Variants in CSMD1 observed in about 807,000 individuals in gnomAD.
The protein encoded by CSMD1 is CUB and Sushi multiple domains 1.
A neutral mutation model predicts 417.5 loss-of-function variants in CSMD1; 213 were observed. The ratio of observed to expected loss-of-function variants is 0.51; its 90% CI spans 0.46 to 0.57. CSMD1 has a LOEUF of 0.57. Among genes scored for constraint, CSMD1 ranks in the 20% least tolerant of loss-of-function variants. The pLI is 0.00. For missense variants in CSMD1, 6,923 were observed against 4,529.7 expected (o/e 1.53, Z -15.17); for synonymous variants, 2,862 against 1,736.8 (o/e 1.65, Z -16.11).
chr8:4,473,984 G>C (rs546098687), intron 2 of CSMD1, among the ~76,000 whole-genome samples: 2 of 152,030 alleles, frequency 1.3e-5, no homozygotes, highest in Non-Finnish European at 2.9e-5. Context: ...TGTCAAAAGA[G>C]ACACAAAAAA....
At chr8:4,390,170 T>G (rs1356296460) in intron 3 of CSMD1, among the ~76,000 whole-genome samples, 2 of 152,228 alleles carry the variant, frequency 1.3e-5, no homozygotes, top group Non-Finnish European at 2.9e-5. Context: ...TGTTTTAATT[T>G]GCATTTCCTG....
At chr8:3,902,291 G>C (rs931733687) in intron 5 of CSMD1, among the ~76,000 whole-genome samples, 2 of 152,078 alleles carry the variant, frequency 1.3e-5, no homozygotes, top group African/African-American at 2.4e-5. Flanking sequence ...ACCCATTACT[G>C]TCAAATCCTG....
rs1177561788 is a variant in CSMD1 at position 4,905,828 on chromosome 8, AAAAAAAG to A, written c.85+88497_85+88503del. ...GAGCGAGACTCCATCTCAAAAAAAA[AAAAAAAG>A]AAAAAAAGAAAAAGTAAAAAAGAAA... On this transcript the variant is annotated intron_variant, in intron 1 of 69. Transcript: ENST00000635120. Among the ~76,000 whole-genome samples, 157 of 142,802 alleles carry A rather than the reference AAAAAAAG, an allele frequency of 1.1e-3. 4 individuals are homozygous for A. Among genetic ancestry groups the A allele is most frequent in the African/African-American group, 3.6e-3 (127 of 35,018 alleles). The allele number at this position is 142,802 out of a possible 152,430, so 93.7% of individuals were successfully genotyped here. A position where few individuals can be genotyped will look rare whatever the true frequency, so the allele number is the denominator to read the frequency against.
In CSMD1 at chr8:4,994,649, G is replaced by A; in HGVS notation, c.-233C>T. Reference sequence around the variant, plus strand: ...TGAGCTGCTCCGAGCGCGGAGACCCGGGCTGGCGGGGCCGGGGCCGGGGAC... The same window carrying A: ...TGAGCTGCTCCGAGCGCGGAGACCCAGGCTGGCGGGGCCGGGGCCGGGGAC... On this transcript the variant is annotated 5_prime_UTR_variant, in exon 1 of 70. Coordinates refer to ENST00000635120, the MANE Select transcript of CSMD1 (RefSeq NM_033225.6). 2 of 446,696 alleles carry A rather than the reference G, an allele frequency of 4.5e-6. No individual in the cohort carries two copies. Among genetic ancestry groups the A allele is most frequent in the Non-Finnish European group, 8.0e-6 (2 of 251,254 alleles). 27.7% of individuals were successfully genotyped at this position (446,696 alleles called of 1,614,324 possible).
chr8:3,788,227 C>A (rs924849766), intron 5 of CSMD1, among the ~76,000 whole-genome samples: 2 of 152,204 alleles, frequency 1.3e-5, no homozygotes, highest in African/African-American at 4.8e-5. Context: ...ATTTAACAGG[C>A]ATAGACCTGC....
At chr8:3,617,424 A>G (rs1268434606) in intron 7 of CSMD1, among the ~76,000 whole-genome samples, 1 of 152,150 alleles carries the variant, frequency 6.6e-6, no homozygotes, top group East Asian at 1.9e-4. Context: ...TCACTTCAAC[A>G]TTCATTTCAT....
chr8:4,602,074 T>G (rs1800619789), intron 2 of CSMD1, among the ~76,000 whole-genome samples: 1 of 152,232 alleles, frequency 6.6e-6, no homozygotes, highest in Non-Finnish European at 1.5e-5. Flanking sequence ...AAGGATGTAT[T>G]AGCAAAGTTA....
chr8:3,239,838 G>C (rs1563173902), intron 26 of CSMD1, among the ~76,000 whole-genome samples: 1 of 152,158 alleles, frequency 6.6e-6, no homozygotes, highest in Non-Finnish European at 1.5e-5. Flanking sequence ...GGATCAGAGA[G>C]TTATAGTCAT....
chr8:3,601,495 G>T (rs1801359382), intron 8 of CSMD1, among the ~76,000 whole-genome samples: 1 of 152,172 alleles, frequency 6.6e-6, no homozygotes, highest in African/African-American at 2.4e-5. Context: ...ACACCAGGCA[G>T]GCCAATGGTT....
Position 3,394,918 on chromosome 8 carries a change from T to C in CSMD1, c.2593+1276A>G, listed in dbSNP as rs558632559. 3.9e-4 allele frequency among the ~76,000 whole-genome samples: 59 copies of C among 152,314 alleles called. 2 individuals are homozygous for C. The South Asian group carries it at 7.5e-3, about 19-fold the overall frequency. On this transcript the variant is annotated intron_variant, in intron 17 of 69. Coordinates refer to ENST00000635120, the MANE Select transcript of CSMD1 (RefSeq NM_033225.6). ...CATTGATAAGCAATTTTCCTGATAT[T>C]GGAATATTTTTATCTAAAAGTAGAC...
chr8:3,240,710 C>T (rs1381655698), intron 26 of CSMD1, among the ~76,000 whole-genome samples: 1 of 151,964 alleles, frequency 6.6e-6, no homozygotes, highest in Non-Finnish European at 1.5e-5. Flanking sequence ...AGATCTAGAA[C>T]AGAATAATGG....
chr8:3,296,854 T>C (rs982512387), intron 25 of CSMD1, among the ~76,000 whole-genome samples: 1 of 152,106 alleles, frequency 6.6e-6, no homozygotes, highest in African/African-American at 2.4e-5. Context: ...CTTGGACCTG[T>C]TGAGTTTAAG....
At chr8:4,493,098 C>A (rs898945631) in intron 2 of CSMD1, among the ~76,000 whole-genome samples, 1 of 152,046 alleles carries the variant, frequency 6.6e-6, no homozygotes, top group East Asian at 1.9e-4. Context: ...TATACTGAAC[C>A]ATCTGTATTC....
chr8:3,440,408 T>A lies in CSMD1; in HGVS notation c.1561+28304A>T, dbSNP rs1409098298. Among the ~76,000 whole-genome samples, 4 of 152,178 alleles carry A rather than the reference T, an allele frequency of 2.6e-5. No individual in the cohort carries two copies. In the East Asian group the frequency reaches 7.7e-4, roughly 29 times the overall value. On this transcript the variant is annotated intron_variant, in intron 12 of 69. Coordinates refer to ENST00000635120, the MANE Select transcript of CSMD1 (RefSeq NM_033225.6). ...CCACATATTACATTGTTTTGAGTGA[T>A]TATAAATTGTATTTTAAAGAAATTG...
intron 7 of CSMD1, among the ~76,000 whole-genome samples, chr8:3,701,035 G>T (rs894120988): frequency 1.3e-5 from 2 of 151,862 alleles, no homozygotes; most frequent in Non-Finnish European, 2.9e-5. Context: ...ATGTCGGGGG[G>T]CAGTCAGGGC....
intron 8 of CSMD1, among the ~76,000 whole-genome samples, chr8:3,605,554 A>G (rs112067618): frequency 4.6e-5 from 7 of 152,196 alleles, no homozygotes; most frequent in African/African-American, 1.7e-4. Context: ...TGGGCTATGG[A>G]TTTGTTTCTG....
At chr8:4,559,372 A>T (rs576723116) in intron 2 of CSMD1, among the ~76,000 whole-genome samples, 71 of 152,180 alleles carry the variant, frequency 4.7e-4, no homozygotes, top group African/African-American at 1.2e-3. Flanking sequence ...ATAAAATATT[A>T]AAAAAAATCT....
intron 1 of CSMD1, among the ~76,000 whole-genome samples, chr8:4,705,927 C>G (rs1807909923): frequency 1.3e-5 from 2 of 151,894 alleles, no homozygotes; most frequent in African/African-American, 4.8e-5. Flanking sequence ...GTTGGTGCTG[C>G]TTATTTGATA....
chr8:3,833,799 C>G (rs1248221595), intron 5 of CSMD1, among the ~76,000 whole-genome samples: 2 of 152,084 alleles, frequency 1.3e-5, no homozygotes, highest in African/African-American at 4.8e-5. Flanking sequence ...AAAAGAGAGG[C>G]TCATTAAAGA....
Sources: gnomAD v4.1 joint callset for allele counts (sites outside exome capture counted in the v4.1 genomes callset) on GRCh38, gnomAD v4.1.1 for gene constraint, MANE v1.5 for transcripts, NCBI Gene and HGNC (gene_info 2026-07-23, HGNC 2026-07-21) for gene names.